Variants in EYS observed in about 807,000 individuals in gnomAD.
EYS encodes the protein EGF-like photoreceptor maintenance factor, also known as protein eyes shut homolog.
Under a neutral mutation model 282.1 loss-of-function variants are expected in EYS, and 250 were observed. The ratio of observed to expected loss-of-function variants is 0.89; its 90% confidence interval spans 0.80 to 0.98. The LOEUF is 0.98. Among genes scored for constraint, EYS ranks in the 50% least tolerant of loss-of-function variants. The pLI is 0.00. For synonymous variants in EYS, 1,355 were observed against 1,282.9 expected, an observed-to-expected ratio of 1.06 and a Z score of -1.20; for missense variants, 4,016 against 3,709.0, an observed-to-expected ratio of 1.08 and a Z score of -2.15.
chr6:64,258,241 G>A (rs1212839006), intron 30 of EYS, among the ~76,000 whole-genome samples: 1 of 151,958 alleles, frequency 6.6e-6, no homozygotes, highest in Non-Finnish European at 1.5e-5. Context: ...ATTTTCAGGA[G>A]TTACAAGTCA....
chr6:64,352,440 A>G (rs367971170), intron 29 of EYS, among the ~76,000 whole-genome samples: 9 of 151,574 alleles, frequency 5.9e-5, no homozygotes, highest in African/African-American at 1.9e-4. Context: ...ACTTATGAGC[A>G]AATCTTGAGA....
At chr6:64,794,399 T>C (rs1774289405) in intron 22 of EYS, among the ~76,000 whole-genome samples, 1 of 152,116 alleles carries the variant, frequency 6.6e-6, no homozygotes, top group African/African-American at 2.4e-5. Flanking sequence ...GGGGGCAGAC[T>C]TCTCTCTTGC....
At chr6:64,452,591 C>G (rs1316478615) in intron 26 of EYS, among the ~76,000 whole-genome samples, 1 of 152,132 alleles carries the variant, frequency 6.6e-6, no homozygotes, top group Non-Finnish European at 1.5e-5. Context: ...AGGCATCACA[C>G]TACCTGACTT....
chr6:65,300,660 T>A (rs1401824177), intron 11 of EYS, among the ~76,000 whole-genome samples: 1 of 152,202 alleles, frequency 6.6e-6, no homozygotes, highest in Non-Finnish European at 1.5e-5. Context: ...ATTCCATGTA[T>A]TCATTGTGAG....
intron 1 of EYS, among the ~76,000 whole-genome samples, chr6:65,684,272 T>A (rs912402070): frequency 6.6e-6 from 1 of 151,898 alleles, no homozygotes; most frequent in Non-Finnish European, 1.5e-5. Context: ...AAATAGCAAA[T>A]CCTCTTATCT....
At chr6:65,491,607 A>G in intron 4 of EYS, 1 of 410,532 alleles carries the variant, frequency 2.4e-6, no homozygotes, top group Middle Eastern at 5.9e-4. Flanking sequence ...TAATGAAAAT[A>G]TAAATAATGA....
intron 13 of EYS, among the ~76,000 whole-genome samples, chr6:65,040,369 C>T (rs2150148812): frequency 6.6e-6 from 1 of 151,710 alleles, no homozygotes; most frequent in Admixed American, 6.6e-5. Flanking sequence ...GAAGCATCAC[C>T]CCAATCACTG....
At chr6:64,184,517 G>A (rs140754700) in intron 31 of EYS, among the ~76,000 whole-genome samples, 315 of 151,170 alleles carry the variant, frequency 2.1e-3, no homozygotes, top group Non-Finnish European at 3.4e-3. Context: ...CGCTTTCTGC[G>A]TTCTTTGAAC....
At chr6:65,094,345 A>T (rs1774672241) in intron 12 of EYS, among the ~76,000 whole-genome samples, 1 of 147,896 alleles carries the variant, frequency 6.8e-6, no homozygotes. Context: ...AAGCAAACCG[A>T]GGACTAAAAC....
rs1582188680 is a variant in EYS, at chr6:63,768,597, A to G, written c.7899-5964T>C. ...AATGACAGCCATTGGTGAGGTTGCA[A>G]TGAAAAGGGCACACTTACACATTGC... On this transcript the variant is annotated intron_variant, in intron 40 of 42. Coordinates refer to ENST00000503581, the MANE Select transcript of EYS (RefSeq NM_001142800.2). Among the ~76,000 whole-genome samples the G allele has an allele frequency of 2.6e-5, 4 of 152,128 alleles. No homozygotes were observed. In the South Asian group the frequency reaches 8.3e-4, roughly 32 times the overall value.
At chr6:65,301,019 C>CT (rs1768805999) in intron 11 of EYS, 1 of 152,198 alleles carries the variant, frequency 6.6e-6, no homozygotes, top group Non-Finnish European at 1.5e-5. Flanking sequence ...TGATTTTCAG[C>CT]TTTACCATGG....
chr6:64,014,543 T>A (rs1768797247), intron 33 of EYS, among the ~76,000 whole-genome samples: 1 of 152,114 alleles, frequency 6.6e-6, no homozygotes, highest in South Asian at 2.1e-4. Context: ...AATCCTAGTT[T>A]CACATTTGTA....
chr6:64,017,707 T>C (rs908525643), intron 33 of EYS, among the ~76,000 whole-genome samples: 1 of 152,202 alleles, frequency 6.6e-6, no homozygotes, highest in Admixed American at 6.5e-5. Flanking sequence ...GACAATTCTA[T>C]CTGCTCTCCC....
chr6:65,513,735 C>G (rs2127292526), intron 2 of EYS, among the ~76,000 whole-genome samples: 1 of 151,966 alleles, frequency 6.6e-6, no homozygotes, highest in Non-Finnish European at 1.5e-5. Flanking sequence ...TGACAAAATT[C>G]AACAACCCTT....
At chr6:65,207,105 T>C (rs1766054948) in intron 12 of EYS, among the ~76,000 whole-genome samples, 1 of 151,784 alleles carries the variant, frequency 6.6e-6, no homozygotes, top group African/African-American at 2.4e-5. Context: ...ACTGATGGCA[T>C]GGTTTTATAA....
intron 22 of EYS, among the ~76,000 whole-genome samples, chr6:64,650,541 TATG>T: frequency 6.6e-6 from 1 of 152,020 alleles, no homozygotes; most frequent in South Asian, 2.1e-4. Context: ...TATACAGCAG[TATG>T]CTTATAAACC....
At chr6:64,531,544 G>T (rs932414387) in intron 26 of EYS, among the ~76,000 whole-genome samples, 2 of 101,878 alleles carry the variant, frequency 2.0e-5, no homozygotes, top group African/African-American at 5.9e-5. Context: ...CCGCCACCAC[G>T]CCTGGTTTAT....
At chr6:64,259,650 G>GCGCACACACACACACA (rs140354088) in intron 30 of EYS, among the ~76,000 whole-genome samples, 73 of 145,706 alleles carry the variant, frequency 5.0e-4, no homozygotes, top group African/African-American at 1.8e-3. Context: ...TTACACACGC[G>GCGCACACACACACACA]CACACACACA....
intron 12 of EYS, among the ~76,000 whole-genome samples, chr6:65,059,736 C>G (rs958029923): frequency 6.6e-6 from 1 of 152,030 alleles, no homozygotes; most frequent in Non-Finnish European, 1.5e-5. Context: ...AAGAGAAGCA[C>G]CTCAGGAAGA....
Sources: gnomAD v4.1 joint callset for allele counts (sites outside exome capture counted in the v4.1 genomes callset) on GRCh38, gnomAD v4.1.1 for gene constraint, MANE v1.5 for transcripts, NCBI Gene and HGNC (gene_info 2026-07-23, HGNC 2026-07-21) for gene names.